The following JAKMIP1 variants were observed in gnomAD, a reference collection of about 807,000 sequenced individuals.
JAKMIP1 encodes janus kinase and microtubule interacting protein 1.
In JAKMIP1, 33 loss-of-function variants were observed where a neutral mutation model predicts 113.0. The observed-to-expected ratio is 0.29, with a 90% CI of 0.22 to 0.39. JAKMIP1 has a LOEUF of 0.39. Ranked by LOEUF, JAKMIP1 falls within the 10% of genes least tolerant of loss-of-function variation. JAKMIP1 has a pLI of 1.00. For synonymous variants in JAKMIP1, 480 were observed against 459.9 expected (o/e 1.04, Z -0.56); for missense variants, 813 against 1,080.5 (o/e 0.75, Z 3.47).
chr4:6,166,189 T>C (rs1424171356), intron 1 of JAKMIP1, among the ~76,000 whole-genome samples: 16 of 152,218 alleles, frequency 1.1e-4, no homozygotes, highest in Non-Finnish European at 2.4e-4. Context: ...GCTTAGCTTC[T>C]GGGGGTCTCC....
chr4:6,199,934 T>G lies in JAKMIP1; in HGVS notation c.-148+319A>C, dbSNP rs1578543158. ...GAGAAGAGTGGAAATAGGGGTGGCG[T>G]GAAGGAGAGCTGGGGGCTGGGGGCG... On this transcript the variant is annotated intron_variant, in intron 1 of 20. Transcript: ENST00000409021. This position sits in a 1 kb window ranked among gnomAD's most constrained non-coding sequence, Gnocchi z 5.6. Among the ~76,000 whole-genome samples, 1 of 107,054 alleles carries G rather than the reference T, an allele frequency of 9.3e-6. No individual in the cohort carries two copies. The highest frequency in any genetic ancestry group is 2.0e-5 in the Non-Finnish European group (1 of 50,920). The allele number at this position is 107,054 out of a possible 152,430, so 70.2% of individuals were successfully genotyped here.
rs6820666 is a variant in JAKMIP1 at position 6,067,750 on chromosome 4, G to A, written c.1303-2742C>T. ...CGTTCACTCAAGCTCTTCTGCACAC[G>A]CAGGTCACCCCCCTGAGCTCCACGT... is the stretch of plus-strand genomic sequence containing the variant. On this transcript the variant is annotated intron_variant, in intron 8 of 20. Coordinates refer to ENST00000409021, the MANE Select transcript of JAKMIP1 (RefSeq NM_001099433.2). This position sits in a 1 kb window ranked among gnomAD's most constrained non-coding sequence, Gnocchi z 4.6. Among the ~76,000 whole-genome samples, 1,017 of 70,028 alleles carry A rather than the reference G, an allele frequency of 0.015. No individual in the cohort carries two copies. The highest frequency in any genetic ancestry group is 0.033 in the African/African-American group (326 of 9,830). The allele number at this position is 70,028 out of a possible 152,430, so 45.9% of individuals were successfully genotyped here. A position where few individuals can be genotyped will look rare whatever the true frequency, so the allele number is the denominator to read the frequency against.
chr4:6,132,835 C>T (rs1255567962), intron 1 of JAKMIP1, among the ~76,000 whole-genome samples: 2 of 152,026 alleles, frequency 1.3e-5, no homozygotes, highest in Admixed American at 6.6e-5. Context: ...AAAAACAAGG[C>T]ACAACTTGTG....
chr4:6,074,768 C>T (rs189884894), intron 8 of JAKMIP1, among the ~76,000 whole-genome samples: 2 of 152,344 alleles, frequency 1.3e-5, no homozygotes, highest in African/African-American at 2.4e-5. Context: ...TATACAACAA[C>T]GGTCCCATAA....
intron 1 of JAKMIP1, among the ~76,000 whole-genome samples, chr4:6,169,980 TACCACC>T (rs200501521): frequency 0.083 from 8,970 of 107,670 alleles, 259 homozygotes; most frequent in Middle Eastern, 0.2. Context: ...CCACCACCAC[TACCACC>T]ACCACCACCA....
chr4:6,068,508 G>C, intron 8 of JAKMIP1, among the ~76,000 whole-genome samples: 1 of 151,920 alleles, frequency 6.6e-6, no homozygotes. Context: ...GAGTTGTCTG[G>C]GACCCAACCC....
intron 1 of JAKMIP1, among the ~76,000 whole-genome samples, chr4:6,133,760 T>C (rs1227576551): frequency 6.6e-6 from 1 of 152,232 alleles, no homozygotes; most frequent in African/African-American, 2.4e-5. Flanking sequence ...ACACAGTTCC[T>C]GACATTTCCC....
intron 17 of JAKMIP1, among the ~76,000 whole-genome samples, chr4:6,041,375 G>A (rs1220792062): frequency 6.6e-6 from 1 of 152,128 alleles, no homozygotes; most frequent in Non-Finnish European, 1.5e-5. Context: ...AGAAACCCAG[G>A]CCTTCTGGCA....
chr4:6,063,618 C>A (rs1043368873), intron 9 of JAKMIP1, among the ~76,000 whole-genome samples: 8 of 152,162 alleles, frequency 5.3e-5, no homozygotes, highest in African/African-American at 1.7e-4. Flanking sequence ...GACATGTGTC[C>A]CCTAGAGTTT....
intron 13 of JAKMIP1, among the ~76,000 whole-genome samples, chr4:6,052,537 T>C (rs1715788245): frequency 6.7e-6 from 1 of 149,592 alleles, no homozygotes; most frequent in Admixed American, 6.8e-5. Context: ...TCCCAGCTAC[T>C]AGGGAGGTTG....
chr4:6,060,645 C>T (rs370327511), intron 10 of JAKMIP1, 138 bp from the exon 11 acceptor site: 12 of 678,890 alleles, frequency 1.8e-5, no homozygotes, highest in South Asian at 3.3e-5. Context: ...TTTAGGAGCA[C>T]GTATTCAACC....
rs1296352265 is a variant in JAKMIP1 at position 6,154,338 on chromosome 4, C to T, written c.-147-41341G>A. Among the ~76,000 whole-genome samples, 1 of 151,998 alleles carries T rather than the reference C, an allele frequency of 6.6e-6. No individual in the cohort carries two copies. Among genetic ancestry groups the T allele is most frequent in the Non-Finnish European group, 1.5e-5 (1 of 67,934 alleles). On this transcript the variant is annotated intron_variant, in intron 1 of 20. Coordinates refer to ENST00000409021, the MANE Select transcript of JAKMIP1 (RefSeq NM_001099433.2). The surrounding 1 kb of genome is among the most constrained non-coding windows in gnomAD (Gnocchi z 4.2). Reference sequence around the variant, plus strand: ...TCAAAACCATTGCAAGGAAAACCCCCTAGGATGTTAAATCTGCATGCCCAG... The same window carrying T: ...TCAAAACCATTGCAAGGAAAACCCCTTAGGATGTTAAATCTGCATGCCCAG...
In JAKMIP1 at chr4:6,187,350, T is replaced by G. The variant is rs1726762186; in HGVS notation, c.-148+12903A>C. On this transcript the variant is annotated intron_variant, in intron 1 of 20. Coordinates refer to ENST00000409021, the MANE Select transcript of JAKMIP1 (RefSeq NM_001099433.2). The surrounding 1 kb of genome is among the most constrained non-coding windows in gnomAD (Gnocchi z 4.2). ...TATTTACCTGATATATTTTTTCTCA[T>G]CCTTTCACTTTCAATCTATTTGTAT... Among the ~76,000 whole-genome samples, 1 of 152,236 alleles carries G rather than the reference T, an allele frequency of 6.6e-6. No individual in the cohort carries two copies. Among genetic ancestry groups the G allele is most frequent in the Non-Finnish European group, 1.5e-5 (1 of 68,046 alleles).
At chr4:6,145,678 T>A (rs939223769) in intron 1 of JAKMIP1, among the ~76,000 whole-genome samples, 2 of 152,128 alleles carry the variant, frequency 1.3e-5, no homozygotes, top group African/African-American at 4.8e-5. Context: ...ACACACTGAG[T>A]GGCTTAAATA....
rs1722131754 is a variant in JAKMIP1 at position 6,092,082 on chromosome 4, T to C, written c.625-6453A>G. On this transcript the variant is annotated intron_variant, in intron 3 of 20. Coordinates refer to ENST00000409021, the MANE Select transcript of JAKMIP1 (RefSeq NM_001099433.2). ...GAATATATCATCAAATCATCAGGAC[T>C]TTTTAAAAGGTAAGGAAAAGAAAAG... 2.6e-5 allele frequency among the ~76,000 whole-genome samples: 4 copies of C among 152,268 alleles called. No homozygotes were observed. The South Asian group carries it at 8.3e-4, about 32-fold the overall frequency.
In JAKMIP1 at chr4:6,184,456, G is replaced by C. The variant is rs1726411296; in HGVS notation, c.-148+15797C>G. Among the ~76,000 whole-genome samples the C allele has an allele frequency of 6.6e-6, 1 of 152,254 alleles. No homozygotes were observed. Among genetic ancestry groups the C allele is most frequent in the Non-Finnish European group, 1.5e-5 (1 of 68,022 alleles). ...ACACTCAGCATCACAAGGAGGGAGA[G>C]AGGGCAAGGCAAGTGCAGTATAAGA... On this transcript the variant is annotated intron_variant, in intron 1 of 20. Transcript: ENST00000409021. This position sits in a 1 kb window ranked among gnomAD's most constrained non-coding sequence, Gnocchi z 4.5.
chr4:6,070,074 A>ATC, intron 8 of JAKMIP1: 1 of 398,836 alleles, frequency 2.5e-6, no homozygotes, highest in Non-Finnish European at 4.4e-6. Context: ...CTTATAGGTC[A>ATC]TCTCCTGGCA....
intron 13 of JAKMIP1, chr4:6,053,620 A>G: frequency 4.7e-6 from 1 of 213,294 alleles, no homozygotes; most frequent in Non-Finnish European, 8.3e-6. Context: ...GATTTACTGC[A>G]TGCAAGATCA....
At position 6,081,848 on chromosome 4, in the gene JAKMIP1, G is replaced by C. The variant is rs956728084; in HGVS notation, c.955-93C>G. 5.0e-5 allele frequency: 73 copies of C among 1,459,488 alleles called. No individual in the cohort carries two copies. The highest frequency in any genetic ancestry group is 6.5e-5 in the Non-Finnish European group (69 of 1,060,504). The allele number at this position is 1,459,488 out of a possible 1,614,324, so 90.4% of individuals were successfully genotyped here. The stretch of plus-strand genomic sequence containing the variant: ...GGTGAGCAGAGACTCAACCCAGTTA[G>C]GACCCCTTCTGAGGCCAGTGTCCTG... On this transcript the variant is annotated intron_variant, in intron 5 of 20. Transcript: ENST00000409021. The surrounding 1 kb of genome is among the most constrained non-coding windows in gnomAD (Gnocchi z 4.6).
Sources: allele counts gnomAD v4.1 joint callset (sites outside exome capture counted in the v4.1 genomes callset), GRCh38; gene constraint gnomAD v4.1.1; non-coding constraint Gnocchi (gnomAD v3.1); transcripts MANE v1.5; gene names NCBI Gene and HGNC (gene_info 2026-07-23, HGNC 2026-07-21).